Variants in SPATS2 observed in about 807,000 individuals in gnomAD.
The protein encoded by SPATS2 is spermatogenesis-associated serine-rich protein 2.
In SPATS2, 38 loss-of-function variants were observed where a neutral mutation model predicts 63.7. That is an observed-to-expected ratio of 0.60 (90% CI 0.46 to 0.78). The LOEUF is 0.78. Among genes scored for constraint, SPATS2 ranks in the 30% least tolerant of loss-of-function variants. The pLI is 0.00. For missense variants in SPATS2, 588 were observed against 666.2 expected (o/e 0.88, Z 1.29); for synonymous variants, 207 against 232.9 (o/e 0.89, Z 1.01).
chr12:49,367,613 G>T, intron 1 of SPATS2, 26 bp downstream of exon 1: 1 of 397,362 alleles, frequency 2.5e-6, no homozygotes, highest in East Asian at 3.6e-5. Context: ...CTGGGTGGCG[G>T]GGTTGGCGGG....
chr12:49,500,664 C>T (rs529511182), intron 9 of SPATS2, among the ~76,000 whole-genome samples: 13 of 151,816 alleles, frequency 8.6e-5, no homozygotes, highest in Non-Finnish European at 7.4e-5. Context: ...CCTAGCTACT[C>T]GGGAGGCTGA....
chr12:49,398,357 C>G (rs920502566), intron 2 of SPATS2, among the ~76,000 whole-genome samples: 1 of 151,980 alleles, frequency 6.6e-6, no homozygotes, highest in Admixed American at 6.6e-5. Flanking sequence ...GTAGAAGGAT[C>G]CCCTCAGCAG....
intron 9 of SPATS2, among the ~76,000 whole-genome samples, chr12:49,500,940 A>AATT (rs1221306303): frequency 2.6e-5 from 4 of 151,942 alleles, no homozygotes; most frequent in Admixed American, 2.0e-4. Flanking sequence ...CCCTTTTATT[A>AATT]ATTATTATTA....
intron 2 of SPATS2, among the ~76,000 whole-genome samples, chr12:49,441,026 G>A (rs1468789149): frequency 2.0e-5 from 3 of 152,070 alleles, no homozygotes; most frequent in South Asian, 2.1e-4. Flanking sequence ...AATACATTTT[G>A]TTTTTCAAAA....
intron 2 of SPATS2, among the ~76,000 whole-genome samples, chr12:49,422,292 A>T (rs576195769): frequency 6.6e-6 from 1 of 152,178 alleles, no homozygotes; most frequent in Non-Finnish European, 1.5e-5. Context: ...TAAATGAATG[A>T]TAAGTACTTC....
At chr12:49,370,697 TCTGGC>T (rs555772362) in intron 1 of SPATS2, among the ~76,000 whole-genome samples, 24 of 152,170 alleles carry the variant, frequency 1.6e-4, no homozygotes, top group Non-Finnish European at 2.5e-4. Context: ...TGTTGCCCAG[TCTGGC>T]CTCAAACTCC....
At chr12:49,520,510 A>AT (rs1946923313) in intron 11 of SPATS2, among the ~76,000 whole-genome samples, 1 of 152,054 alleles carries the variant, frequency 6.6e-6, no homozygotes, top group Non-Finnish European at 1.5e-5. Flanking sequence ...CTTTATGTGC[A>AT]TTGGTTACTT....
chr12:49,406,927 G>A (rs1944708058), intron 2 of SPATS2, among the ~76,000 whole-genome samples: 1 of 152,162 alleles, frequency 6.6e-6, no homozygotes, highest in Non-Finnish European at 1.5e-5. Flanking sequence ...CACCAAACTT[G>A]TGTATCCCAC....
At chr12:49,442,998 T>TA (rs1945449705) in intron 2 of SPATS2, among the ~76,000 whole-genome samples, 1 of 152,146 alleles carries the variant, frequency 6.6e-6, no homozygotes, top group Non-Finnish European at 1.5e-5. Flanking sequence ...GTGGAATCCT[T>TA]ACAACATTTG....
chr12:49,437,016 C>T (rs911916221), intron 2 of SPATS2, among the ~76,000 whole-genome samples: 1 of 151,992 alleles, frequency 6.6e-6, no homozygotes, highest in Non-Finnish European at 1.5e-5. Context: ...GGGCTGACCC[C>T]CACCTCCCTC....
chr12:49,494,603 G>A (rs1946434168), intron 6 of SPATS2, 138 bp from the exon 7 acceptor site: 1 of 876,914 alleles, frequency 1.1e-6, no homozygotes. Flanking sequence ...CAGCATATGT[G>A]AAAATATTAA....
At position 49,452,924 on chromosome 12, in the gene SPATS2, G is replaced by T. The variant is rs372792890; in HGVS notation, c.-243-7846G>T. Among the ~76,000 whole-genome samples, 72 of 151,966 alleles carry T rather than the reference G, an allele frequency of 4.7e-4. No individual in the cohort carries two copies. The South Asian group carries it at 0.012, about 26-fold the overall frequency. Reference sequence around the variant, plus strand: ...TGTAATCCCAGCACTTTGGGAGGCCGAGGCGGGCGGATCACGAGGTCAGGA... The same window carrying T: ...TGTAATCCCAGCACTTTGGGAGGCCTAGGCGGGCGGATCACGAGGTCAGGA... On this transcript the variant is annotated intron_variant, in intron 2 of 13. Coordinates refer to ENST00000552918, the MANE Select transcript of SPATS2 (RefSeq NM_023071.4).
intron 3 of SPATS2, among the ~76,000 whole-genome samples, chr12:49,482,401 A>G (rs1219401047): frequency 6.6e-6 from 1 of 152,168 alleles, no homozygotes; most frequent in Non-Finnish European, 1.5e-5. Flanking sequence ...GCCAAAGGTC[A>G]CAGCAACTGT....
intron 2 of SPATS2, among the ~76,000 whole-genome samples, chr12:49,457,201 T>TATA (rs1945734135): frequency 6.6e-6 from 1 of 151,954 alleles, no homozygotes; most frequent in Non-Finnish European, 1.5e-5. Context: ...CCAGGTTGGG[T>TATA]TCTTCATCTG....
chr12:49,456,758 A>C (rs1042635017), intron 2 of SPATS2, among the ~76,000 whole-genome samples: 2 of 152,198 alleles, frequency 1.3e-5, no homozygotes, highest in Non-Finnish European at 2.9e-5. Flanking sequence ...GAACAGATTC[A>C]GGTCTTTATT....
intron 6 of SPATS2, 140 bp downstream of exon 6, chr12:49,490,871 G>A (rs1170677628): frequency 1.3e-6 from 1 of 745,190 alleles, no homozygotes; most frequent in Admixed American, 2.5e-5. Flanking sequence ...GCCAGGTGCA[G>A]GGGCTCACAC....
intron 3 of SPATS2, chr12:49,462,350 C>T (rs1474851273): frequency 2.8e-6 from 2 of 702,388 alleles, no homozygotes; most frequent in Non-Finnish European, 5.2e-6. Context: ...TCAGTACCAG[C>T]AGGGGTGAAC....
chr12:49,523,923 GC>G (rs1482100092), intron 12 of SPATS2, among the ~76,000 whole-genome samples: 2 of 151,936 alleles, frequency 1.3e-5, no homozygotes, highest in Non-Finnish European at 2.9e-5. Context: ...CTGCACTCCA[GC>G]CTGGGTGACA....
At position 49,371,971 on chromosome 12, in the gene SPATS2, A is replaced by G. The variant is rs1230171521; in HGVS notation, c.-244+681A>G. On this transcript the variant is annotated intron_variant, in intron 2 of 13. Coordinates refer to ENST00000552918, the MANE Select transcript of SPATS2 (RefSeq NM_023071.4). ...TTTCAGGTTTTTTTTTTTTTTTTCT[A>G]TTTACACAGAAGTAGAATTGCTGGA... 9.6e-5 allele frequency among the ~76,000 whole-genome samples: 13 copies of G among 135,938 alleles called. No homozygotes were observed. In the East Asian group the frequency reaches 1.9e-3, roughly 20 times the overall value. The allele number at this position is 135,938 out of a possible 152,430, so 89.2% of individuals were successfully genotyped here.
Sources: gnomAD v4.1 joint callset for allele counts (sites outside exome capture counted in the v4.1 genomes callset) on GRCh38, gnomAD v4.1.1 for gene constraint, MANE v1.5 for transcripts, NCBI Gene and HGNC (gene_info 2026-07-23, HGNC 2026-07-21) for gene names.